Variants in SLC35F3 observed in about 807,000 individuals in gnomAD.
SLC35F3 encodes solute carrier family 35 member F3.
SLC35F3 carries 25 observed loss-of-function variants against 49.9 expected under a neutral mutation model. The ratio of observed to expected loss-of-function variants is 0.50; its 90% CI spans 0.37 to 0.70. The LOEUF (loss-of-function observed/expected upper bound fraction) is 0.70. SLC35F3 is among the 30% of genes least tolerant of loss of function. The pLI, the probability that SLC35F3 is intolerant of heterozygous loss-of-function variation, is 0.00. For missense variants in SLC35F3, 525 were observed against 639.8 expected, an observed-to-expected ratio of 0.82 and a Z score of 1.94; for synonymous variants, 275 against 265.4, an observed-to-expected ratio of 1.04 and a Z score of -0.35.
chr1:233,911,543 G>A (rs771832367), intron 2 of SLC35F3, among the ~76,000 whole-genome samples: 3 of 152,154 alleles, frequency 2.0e-5, no homozygotes, highest in Non-Finnish European at 2.9e-5. Flanking sequence ...TAATGAAAAT[G>A]CAGAACTATT....
chr1:234,294,355 G>A (rs537820143), intron 3 of SLC35F3, among the ~76,000 whole-genome samples: 7 of 152,266 alleles, frequency 4.6e-5, no homozygotes, highest in East Asian at 1.9e-4. Flanking sequence ...GGTGGGCAGC[G>A]ACTCTCTTTC....
At chr1:233,969,553 A>G (rs748230908) in intron 2 of SLC35F3, among the ~76,000 whole-genome samples, 2 of 152,180 alleles carry the variant, frequency 1.3e-5, no homozygotes, top group Non-Finnish European at 2.9e-5. Context: ...AGCTGTTTGA[A>G]ATCTCTCTGT....
intron 2 of SLC35F3, among the ~76,000 whole-genome samples, chr1:233,916,252 A>C (rs6671015): frequency 0.93 from 141,483 of 152,278 alleles, 66,593 homozygotes; most frequent in East Asian, 1. Flanking sequence ...ATGTAAAAAT[A>C]TTTCATTTAC....
At chr1:233,954,071 A>G (rs1055814788) in intron 2 of SLC35F3, among the ~76,000 whole-genome samples, 8 of 151,810 alleles carry the variant, frequency 5.3e-5, no homozygotes, top group Non-Finnish European at 1.0e-4. Context: ...CAGGGGCACA[A>G]TCTCGGCTCA....
intron 3 of SLC35F3, among the ~76,000 whole-genome samples, chr1:234,257,893 T>C (rs1400806392): frequency 1.3e-5 from 2 of 152,244 alleles, no homozygotes; most frequent in Non-Finnish European, 2.9e-5. Context: ...GATAGGTATA[T>C]GCATTACCTA....
At chr1:234,233,590 A>G (rs1667417826) in intron 3 of SLC35F3, among the ~76,000 whole-genome samples, 2 of 152,260 alleles carry the variant, frequency 1.3e-5, no homozygotes, top group South Asian at 4.1e-4. Context: ...AGTGGTGCTT[A>G]TACGGTCAAT....
chr1:234,296,827 C>T (rs528195181), intron 3 of SLC35F3, among the ~76,000 whole-genome samples: 2 of 152,360 alleles, frequency 1.3e-5, no homozygotes, highest in East Asian at 3.9e-4. Flanking sequence ...TCTCCACGTT[C>T]CCTCTCCAAG....
chr1:234,184,687 A>G (rs532062317), intron 2 of SLC35F3, among the ~76,000 whole-genome samples: 109 of 152,286 alleles, frequency 7.2e-4, no homozygotes, highest in African/African-American at 2.5e-3. Flanking sequence ...CAGGGCCTCT[A>G]CATATTTGTT....
At chr1:234,287,968 C>T (rs1668450104) in intron 3 of SLC35F3, among the ~76,000 whole-genome samples, 1 of 152,156 alleles carries the variant, frequency 6.6e-6, no homozygotes, top group Non-Finnish European at 1.5e-5. Context: ...CTCACTGTAA[C>T]CTTGAACGCC....
intron 2 of SLC35F3, among the ~76,000 whole-genome samples, chr1:234,063,315 G>A (rs1273123341): frequency 1.3e-5 from 2 of 152,164 alleles, no homozygotes; most frequent in South Asian, 2.1e-4. Context: ...TACCTTCTAA[G>A]CTATATGTCT....
At chr1:234,000,805 C>A (rs1230540141) in intron 2 of SLC35F3, among the ~76,000 whole-genome samples, 2 of 152,112 alleles carry the variant, frequency 1.3e-5, no homozygotes, top group African/African-American at 4.8e-5. Context: ...CAGGCCAGAG[C>A]GGGTGTGGAG....
chr1:234,313,664 G>A (rs1657414109), intron 4 of SLC35F3, among the ~76,000 whole-genome samples: 2 of 152,046 alleles, frequency 1.3e-5, no homozygotes, highest in Non-Finnish European at 2.9e-5. Context: ...GGGGAGCTCC[G>A]TTGTCATGAT....
chr1:234,033,808 C>CT (rs1664101815), intron 2 of SLC35F3, among the ~76,000 whole-genome samples: 1 of 152,104 alleles, frequency 6.6e-6, no homozygotes, highest in Non-Finnish European at 1.5e-5. Flanking sequence ...CGAAATTGTT[C>CT]TTTTTGCTTA....
At chr1:233,960,779 G>A (rs1170644332) in intron 2 of SLC35F3, among the ~76,000 whole-genome samples, 1 of 152,200 alleles carries the variant, frequency 6.6e-6, no homozygotes, top group Non-Finnish European at 1.5e-5. Context: ...AAGGACCAGT[G>A]AATGAGGCAT....
At chr1:234,072,873 AAGG>A (rs1664738165) in intron 2 of SLC35F3, among the ~76,000 whole-genome samples, 1 of 152,182 alleles carries the variant, frequency 6.6e-6, no homozygotes, top group Admixed American at 6.5e-5. Context: ...AAGACCCTGG[AAGG>A]CTTTGATTAG....
chr1:234,092,742 C>T (rs988369767), intron 2 of SLC35F3, among the ~76,000 whole-genome samples: 1 of 152,120 alleles, frequency 6.6e-6, no homozygotes, highest in African/African-American at 2.4e-5. Context: ...TTGGTGCATG[C>T]CTATAGTCCC....
Position 234,323,293 on chromosome 1 carries a change from C to T in SLC35F3, c.*50C>T, listed in dbSNP as rs368598885. The T allele has an allele frequency of 2.2e-5, 34 of 1,524,218 alleles. No individual in the cohort carries two copies. Among genetic ancestry groups the T allele is most frequent in the South Asian group, 5.9e-5 (5 of 85,382 alleles). 94.4% of individuals were successfully genotyped at this position (1,524,218 alleles called of 1,614,324 possible). ...TAATGACTGGGAGGTCTATTCCTGCCGGGAGGAACCTCAGTTGGGTAAGGT... is the reference window on the plus strand; with the variant it reads ...TAATGACTGGGAGGTCTATTCCTGCTGGGAGGAACCTCAGTTGGGTAAGGT... On this transcript the variant is annotated 3_prime_UTR_variant, in exon 8 of 8. Coordinates refer to ENST00000366618, the MANE Select transcript of SLC35F3 (RefSeq NM_173508.4). This position sits in a 1 kb window ranked among gnomAD's most constrained non-coding sequence, Gnocchi z 4.5.
Position 234,046,552 on chromosome 1 carries a change from A to C in SLC35F3, c.283+140794A>C, listed in dbSNP as rs930584514. Among the ~76,000 whole-genome samples, 10 of 151,956 alleles carry C rather than the reference A, an allele frequency of 6.6e-5. No homozygotes were observed. Among genetic ancestry groups the C allele is most frequent in the Admixed American group, 5.2e-4 (8 of 15,260 alleles). On this transcript the variant is annotated intron_variant, in intron 2 of 7. Coordinates refer to ENST00000366618, the MANE Select transcript of SLC35F3 (RefSeq NM_173508.4). The surrounding 1 kb of genome is among the most constrained non-coding windows in gnomAD (Gnocchi z 4.4). ...CAAAATCTCCCTTGCTGTGGTTTTT[A>C]TTTGCACTTTGTTTGTGAGGTCTTT...
At chr1:234,099,114 A>C (rs927655758) in intron 2 of SLC35F3, among the ~76,000 whole-genome samples, 9 of 152,126 alleles carry the variant, frequency 5.9e-5, no homozygotes, top group African/African-American at 2.2e-4. Flanking sequence ...GTTCTGTTAC[A>C]GAGGGAGATA....
Sources: allele counts gnomAD v4.1 joint callset (sites outside exome capture counted in the v4.1 genomes callset), GRCh38; gene constraint gnomAD v4.1.1; non-coding constraint Gnocchi (gnomAD v3.1); transcripts MANE v1.5; gene names NCBI Gene and HGNC (gene_info 2026-07-23, HGNC 2026-07-21).